The following SAMD12 variants were observed in gnomAD, a reference collection of about 807,000 sequenced individuals.
SAMD12 encodes sterile alpha motif domain-containing protein 12.
A neutral mutation model predicts 15.0 loss-of-function variants in SAMD12; 9 were observed. That is an observed-to-expected ratio of 0.60 (90% CI 0.36 to 1.05). The LOEUF is 1.05. Among genes scored for constraint, SAMD12 ranks in the 50% least tolerant of loss-of-function variants. The pLI, the probability that SAMD12 is intolerant of heterozygous loss-of-function variation, is 0.01. For missense variants in SAMD12, 230 were observed against 234.2 expected, an observed-to-expected ratio of 0.98 and a Z score of 0.12; for synonymous variants, 86 against 90.1, an observed-to-expected ratio of 0.96 and a Z score of 0.25.
intron 2 of SAMD12, among the ~76,000 whole-genome samples, chr8:118,470,262 A>T (rs1186886942): frequency 6.6e-6 from 1 of 151,822 alleles, no homozygotes; most frequent in African/African-American, 2.4e-5. Flanking sequence ...TTTTTTAAAA[A>T]AAAAGGAGGT....
chr8:118,579,309 G>A (rs1827226736), intron 2 of SAMD12, among the ~76,000 whole-genome samples: 1 of 151,882 alleles, frequency 6.6e-6, no homozygotes, highest in Admixed American at 6.6e-5. Flanking sequence ...TTTTTTCCTG[G>A]CTCTTTCAAG....
chr8:118,162,641 G>A, the SAMD12 span, among the ~76,000 whole-genome samples: 1 of 152,132 alleles, frequency 6.6e-6, no homozygotes, highest in Non-Finnish European at 1.5e-5. Flanking sequence ...TTTAAAAAGG[G>A]TGGAGACCAC....
chr8:118,599,163 A>G (rs2131295039), intron 1 of SAMD12, among the ~76,000 whole-genome samples: 1 of 152,344 alleles, frequency 6.6e-6, no homozygotes, highest in African/African-American at 2.4e-5. Flanking sequence ...ACCTAATTCT[A>G]TTTTGAACTC....
intron 3 of SAMD12, among the ~76,000 whole-genome samples, chr8:118,382,557 TTC>T (rs754383241): frequency 6.6e-6 from 1 of 152,322 alleles, no homozygotes; most frequent in Non-Finnish European, 1.5e-5. Flanking sequence ...AGTCAGAAAA[TTC>T]TGTCAGTTAT....
At chr8:118,225,585 G>A (rs1156779353) in intron 4 of SAMD12, among the ~76,000 whole-genome samples, 1 of 152,114 alleles carries the variant, frequency 6.6e-6, no homozygotes, top group Admixed American at 6.5e-5. Flanking sequence ...GAACCTTTCT[G>A]GAGCTTAGCG....
At chr8:118,353,322 C>A (rs1818055048) in intron 4 of SAMD12, among the ~76,000 whole-genome samples, 1 of 150,408 alleles carries the variant, frequency 6.6e-6, no homozygotes, top group African/African-American at 2.5e-5. Context: ...TGTTTGTGCC[C>A]CACCAAAAGA....
chr8:118,486,058 T>A (rs1195783371), intron 2 of SAMD12, among the ~76,000 whole-genome samples: 1 of 152,184 alleles, frequency 6.6e-6, no homozygotes, highest in Admixed American at 6.5e-5. Flanking sequence ...TTTGCTGGCA[T>A]GATTAAGATT....
At position 118,552,642 on chromosome 8, in the gene SAMD12, A is replaced by G. The variant is rs570766158; in HGVS notation, c.192+28073T>C. On this transcript the variant is annotated intron_variant, in intron 2 of 3. Transcript: ENST00000314727. Reference sequence around the variant, plus strand: ...GCACAAGACAGGGATGCCCTCTCTCACCACTCCTATTCAATGTAGTGTTGG... The same window carrying G: ...GCACAAGACAGGGATGCCCTCTCTCGCCACTCCTATTCAATGTAGTGTTGG... 4.8e-4 allele frequency among the ~76,000 whole-genome samples: 73 copies of G among 152,338 alleles called. No individual in the cohort carries two copies. The East Asian group carries it at 0.014, about 29-fold the overall frequency.
At chr8:118,570,574 G>T (rs1348531451) in intron 2 of SAMD12, among the ~76,000 whole-genome samples, 1 of 152,042 alleles carries the variant, frequency 6.6e-6, no homozygotes, top group Non-Finnish European at 1.5e-5. Context: ...TATTCCATGG[G>T]GATATATACC....
At chr8:118,370,054 TAAAC>T (rs1819002559) in intron 4 of SAMD12, among the ~76,000 whole-genome samples, 1 of 151,866 alleles carries the variant, frequency 6.6e-6, no homozygotes. Flanking sequence ...ATAAGGAACT[TAAAC>T]AAATTTACAA....
chr8:118,391,084 T>C (rs1820250567), intron 3 of SAMD12, among the ~76,000 whole-genome samples: 1 of 152,198 alleles, frequency 6.6e-6, no homozygotes, highest in Non-Finnish European at 1.5e-5. Flanking sequence ...AAAGGTTAAA[T>C]ATTCTACAGC....
intron 2 of SAMD12, among the ~76,000 whole-genome samples, chr8:118,510,214 CCA>C (rs200530021): frequency 6.6e-6 from 1 of 151,134 alleles, no homozygotes; most frequent in Non-Finnish European, 1.5e-5. Flanking sequence ...AACCCCCCCA[CCA>C]CACACACACA....
At chr8:118,551,150 G>T (rs200489070) in intron 2 of SAMD12, among the ~76,000 whole-genome samples, 2 of 152,062 alleles carry the variant, frequency 1.3e-5, no homozygotes, top group African/African-American at 2.4e-5. Context: ...ACCCAGGAAT[G>T]GAAATCAGCT....
chr8:118,424,697 A>G (rs895512801), intron 3 of SAMD12, among the ~76,000 whole-genome samples: 2 of 152,212 alleles, frequency 1.3e-5, no homozygotes, highest in Non-Finnish European at 2.9e-5. Flanking sequence ...GTTGTGTTTT[A>G]CTGAAACAGT....
At chr8:118,547,171 G>A (rs1310102075) in intron 2 of SAMD12, among the ~76,000 whole-genome samples, 14 of 152,108 alleles carry the variant, frequency 9.2e-5, no homozygotes, top group East Asian at 5.8e-4. Context: ...CGTGACCAGG[G>A]AAAAAGTTTT....
intron 2 of SAMD12, among the ~76,000 whole-genome samples, chr8:118,502,318 G>C (rs1236335785): frequency 6.6e-6 from 1 of 152,150 alleles, no homozygotes; most frequent in East Asian, 1.9e-4. Context: ...AGATCAGTGA[G>C]ACTGTTTTGA....
At chr8:118,334,843 C>T (rs1280772304) in intron 4 of SAMD12, among the ~76,000 whole-genome samples, 1 of 152,184 alleles carries the variant, frequency 6.6e-6, no homozygotes, top group East Asian at 1.9e-4. Flanking sequence ...ATCCTCCTGC[C>T]TCTGCATCTC....
the SAMD12 span, among the ~76,000 whole-genome samples, chr8:118,132,203 C>T: frequency 6.6e-6 from 1 of 152,180 alleles, no homozygotes; most frequent in Non-Finnish European, 1.5e-5. Context: ...TCTGTGTGTT[C>T]ATAGTTGCTC....
At chr8:118,266,671 C>G (rs1260347588) in intron 4 of SAMD12, among the ~76,000 whole-genome samples, 1 of 152,024 alleles carries the variant, frequency 6.6e-6, no homozygotes, top group East Asian at 1.9e-4. Flanking sequence ...AAAGAAGATC[C>G]TGTCATTTGC....
Sources: gnomAD v4.1 joint callset for allele counts (sites outside exome capture counted in the v4.1 genomes callset) on GRCh38, gnomAD v4.1.1 for gene constraint, MANE v1.5 for transcripts, NCBI Gene and HGNC (gene_info 2026-07-23, HGNC 2026-07-21) for gene names.